Variants in COL4A5 observed in about 807,000 individuals in gnomAD.
The protein encoded by COL4A5 is collagen type IV alpha 5 chain.
Under a neutral mutation model 130.2 loss-of-function variants are expected in COL4A5, and 26 were observed. The observed-to-expected ratio is 0.20, with a 90% confidence interval of 0.15 to 0.28. The LOEUF (loss-of-function observed/expected upper bound fraction) is 0.28. COL4A5 is among the 10% of genes least tolerant of loss of function. COL4A5 has a pLI of 1.00. For missense variants in COL4A5, 1,131 were observed against 1,344.3 expected, an observed-to-expected ratio of 0.84 and a Z score of 2.48; for synonymous variants, 496 against 439.6, an observed-to-expected ratio of 1.13 and a Z score of -1.60.
chrX:108,624,597 T>C, intron 34 of COL4A5, among the ~76,000 whole-genome samples: 1 of 112,310 alleles, frequency 8.9e-6, no homozygotes, highest in Non-Finnish European at 1.9e-5. Context: ...ATCAGAAATG[T>C]GATCCAAATA....
intron 1 of COL4A5, among the ~76,000 whole-genome samples, chrX:108,477,235 A>G (rs1049526497): frequency 9.0e-6 from 1 of 111,486 alleles, no homozygotes; most frequent in Admixed American, 9.5e-5. Context: ...TTTAACCATC[A>G]CAAGTCCACC....
chrX:108,633,266 A>T (rs2067299724), intron 36 of COL4A5, among the ~76,000 whole-genome samples: 1 of 111,171 alleles, frequency 9.0e-6, no homozygotes, highest in Non-Finnish European at 1.9e-5. Context: ...TTTGGAAAAA[A>T]AGTCTTCTAC....
At chrX:108,565,645 T>C (rs2065956236) in intron 4 of COL4A5, among the ~76,000 whole-genome samples, 1 of 112,158 alleles carries the variant, frequency 8.9e-6, no homozygotes, top group Non-Finnish European at 1.9e-5. Context: ...CGTATTGCTT[T>C]GGGTTGCTGT....
rs372415178 is a variant in COL4A5, at chrX:108,636,083, C to T, written c.3246+9734C>T. 5.9e-4 allele frequency among the ~76,000 whole-genome samples: 66 copies of T among 111,570 alleles called. 1 individual carries two copies. The highest frequency in any genetic ancestry group is 2.0e-3 in the African/African-American group (63 of 30,770). On this transcript the variant is annotated intron_variant, in intron 36 of 52. Coordinates refer to ENST00000328300, the MANE Select transcript of COL4A5 (RefSeq NM_033380.3). ...AAACATCAACATCACATAATATACC[C>T]ATGTAACACACCTGCATACATAACC...
At chrX:108,580,761 T>C in intron 15 of COL4A5, 23 bp downstream of exon 15, 1 of 1,188,730 alleles carries the variant, frequency 8.4e-7, no homozygotes, top group Non-Finnish European at 1.1e-6. Context: ...ACTGCTAATA[T>C]TCTTTGCAAA....
At chrX:108,504,592 C>G (rs141030393) in intron 1 of COL4A5, among the ~76,000 whole-genome samples, 1 of 112,219 alleles carries the variant, frequency 8.9e-6, no homozygotes. Flanking sequence ...ATAGACATTT[C>G]TGTCTTCAAA....
At chrX:108,442,988 T>C (rs1410546300) in intron 1 of COL4A5, 3 of 111,822 alleles carry the variant, frequency 2.7e-5, no homozygotes, top group Non-Finnish European at 5.6e-5. Context: ...TCCAGGCAGT[T>C]TGACTCTAGA....
intron 1 of COL4A5, among the ~76,000 whole-genome samples, chrX:108,482,999 A>T (rs1238498769): frequency 4.5e-5 from 5 of 111,516 alleles, no homozygotes; most frequent in Non-Finnish European, 9.4e-5. Flanking sequence ...TAATTCTCTA[A>T]ATAGTTCATG....
Position 108,601,472 on chromosome X carries a change from T to C in COL4A5, c.2028T>C (p.Asp676=). ...GLPGNPGRDG[D]VGLPGDPGLP... ...CTGGTAACCCAGGCAGAGATGGTGA[T>C]GTAGGTCTTCCAGGTATGTGAGGAA... Residue 676 remains aspartate (D), a synonymous_variant, in exon 26 of 53, where the codon GAT becomes GAC. Coordinates refer to ENST00000328300, the MANE Select transcript of COL4A5 (RefSeq NM_033380.3). 1 of 1,194,869 alleles carries C rather than the reference T, an allele frequency of 8.4e-7. No individual in the cohort carries two copies.
chrX:108,695,548 T>C lies in COL4A5; in HGVS notation c.4994+109T>C, dbSNP rs992560421. On this transcript the variant is annotated intron_variant, in intron 52 of 52. Coordinates refer to ENST00000328300, the MANE Select transcript of COL4A5 (RefSeq NM_033380.3). ...TCCTCAACAAATGTTAGGAATTTAT[T>C]GGATTGTGTACTTTATTCTTGCTTG... is the stretch of plus-strand genomic sequence containing the variant. The C allele has an allele frequency of 7.2e-6, 6 of 828,423 alleles. No individual in the cohort carries two copies. The South Asian group carries it at 1.1e-4, about 15-fold the overall frequency. The allele number at this position is 828,423 out of a possible 1,213,427, so 68.3% of individuals were successfully genotyped here. A position where few individuals can be genotyped will look rare whatever the true frequency, so the allele number is the denominator to read the frequency against.
At chrX:108,630,093 C>T (rs187018050) in intron 36 of COL4A5, among the ~76,000 whole-genome samples, 8 of 111,832 alleles carry the variant, frequency 7.2e-5, no homozygotes, top group Admixed American at 6.7e-4. Flanking sequence ...GTCTTTGCTA[C>T]TGTGAATAGT....
intron 2 of COL4A5, among the ~76,000 whole-genome samples, chrX:108,558,128 A>T (rs1291335285): frequency 3.6e-5 from 3 of 84,147 alleles, no homozygotes; most frequent in Admixed American, 1.6e-4. Flanking sequence ...CCTGTGTCCA[A>T]GTGTTCTCAT....
At chrX:108,680,653 T>A in intron 44 of COL4A5, 26 bp from the exon 45 acceptor site, 1 of 1,191,069 alleles carries the variant, frequency 8.4e-7, no homozygotes, top group Non-Finnish European at 1.1e-6. Flanking sequence ...AATTTTTTTG[T>A]AACATTAATG....
chrX:108,671,360 A>T (rs961397170), intron 42 of COL4A5, among the ~76,000 whole-genome samples: 2 of 111,751 alleles, frequency 1.8e-5, no homozygotes, highest in African/African-American at 3.2e-5. Flanking sequence ...AAAAAAAATA[A>T]TTTTTCAAGA....
At chrX:108,485,333 C>T (rs2064933971) in intron 1 of COL4A5, among the ~76,000 whole-genome samples, 1 of 111,707 alleles carries the variant, frequency 9.0e-6, no homozygotes, top group African/African-American at 3.3e-5. Context: ...AAGCCGAAGT[C>T]CCCTTTACTT....
intron 44 of COL4A5, among the ~76,000 whole-genome samples, chrX:108,679,819 CAA>C (rs1412155164): frequency 1.8e-5 from 2 of 111,538 alleles, no homozygotes; most frequent in African/African-American, 6.5e-5. Context: ...AAAGAAAAAA[CAA>C]AGAATAAAAT....
intron 36 of COL4A5, among the ~76,000 whole-genome samples, chrX:108,640,282 AG>A (rs1160717988): frequency 1.8e-5 from 2 of 111,921 alleles, no homozygotes; most frequent in East Asian, 5.6e-4. Context: ...GAAATAAGCC[AG>A]TTATAAAAAG....
chrX:108,625,473 C>T (rs773125889), intron 34 of COL4A5, among the ~76,000 whole-genome samples: 1 of 111,608 alleles, frequency 9.0e-6, no homozygotes, highest in African/African-American at 3.3e-5. Flanking sequence ...GTTCTGGTAA[C>T]TTTTTAATTT....
chrX:108,686,734 A>T (rs972903850), intron 48 of COL4A5, among the ~76,000 whole-genome samples: 1 of 112,464 alleles, frequency 8.9e-6, no homozygotes, highest in Non-Finnish European at 1.9e-5. Context: ...ATAGAAATAG[A>T]GGATCATACA....
Sources: gnomAD v4.1 joint callset for allele counts (sites outside exome capture counted in the v4.1 genomes callset) on GRCh38, gnomAD v4.1.1 for gene constraint, MANE v1.5 for transcripts, NCBI Gene and HGNC (gene_info 2026-07-23, HGNC 2026-07-21) for gene names.